LCT: variants seen among roughly 807,000 people sequenced by gnomAD.
LCT encodes the protein lactase/phlorizin hydrolase.
Under a neutral mutation model 173.0 loss-of-function variants are expected in LCT, and 90 were observed. The ratio of observed to expected loss-of-function variants is 0.52; its 90% confidence interval spans 0.44 to 0.62. The LOEUF (loss-of-function observed/expected upper bound fraction) is 0.62, where lower values mean the gene tolerates loss of function less well. Ranked by LOEUF, LCT falls within the 20% of genes least tolerant of loss-of-function variation. LCT has a pLI of 0.00. For synonymous variants in LCT, 853 were observed against 957.6 expected, an observed-to-expected ratio of 0.89 and a Z score of 2.02; for missense variants, 1,864 against 2,431.4, an observed-to-expected ratio of 0.77 and a Z score of 4.91.
At chr2:135,825,140 T>C (rs1041869231) in intron 3 of LCT, among the ~76,000 whole-genome samples, 5 of 152,226 alleles carry the variant, frequency 3.3e-5, no homozygotes, top group Admixed American at 2.0e-4. Flanking sequence ...TCACTTTAAA[T>C]TACCTTTTTT....
At chr2:135,793,742 G>GA (rs1341712743) in intron 14 of LCT, among the ~76,000 whole-genome samples, 3 of 152,114 alleles carry the variant, frequency 2.0e-5, no homozygotes, top group African/African-American at 7.2e-5. Flanking sequence ...GGATATGGAT[G>GA]AAAAAGTCTC....
At position 135,788,181 on chromosome 2, in the gene LCT, GA is replaced by G; in HGVS notation, c.*142del. 1.4e-6 allele frequency: 1 copy of G among 716,188 alleles called. No individual in the cohort carries two copies. Among genetic ancestry groups the G allele is most frequent in the East Asian group, 2.5e-5 (1 of 40,658 alleles). The allele number at this position is 716,188 out of a possible 1,614,324, so 44.4% of individuals were successfully genotyped here. A position where few individuals can be genotyped will look rare whatever the true frequency, so the allele number is the denominator to read the frequency against. ...TACTCAGCAAGTCGAAATCATTCAA[GA>G]TTAAAGTCATCTCTAACGGTGCAGC... On this transcript the variant is annotated 3_prime_UTR_variant, in exon 17 of 17. Coordinates refer to ENST00000264162, the MANE Select transcript of LCT (RefSeq NM_002299.4).
Position 135,808,460 on chromosome 2 carries a change from A to C in LCT, c.3887T>G (p.Ile1296Ser). 6.2e-7 allele frequency: 1 copy of C among 1,613,776 alleles called. No individual in the cohort carries two copies. The highest frequency in any genetic ancestry group is 8.5e-7 in the Non-Finnish European group (1 of 1,179,656). The change falls in exon 8 of 17, where the codon ATC becomes AGC. Residue 1296 changes from isoleucine (I) to serine (S), a missense_variant. By Grantham distance (142) the Ile-to-Ser change is moderately radical. Coordinates refer to ENST00000264162, the MANE Select transcript of LCT (RefSeq NM_002299.4). ...TCACACACCTTTCAAAGCCTCATTG[A>C]TGTAGGTTTTGTGGTAAAATATCCT... ...TDRIFYHKTY[I>S]NEALKAYRLD...
chr2:135,832,075 G>A (rs2077945732), intron 2 of LCT, among the ~76,000 whole-genome samples: 1 of 152,050 alleles, frequency 6.6e-6, no homozygotes, highest in Admixed American at 6.6e-5. Flanking sequence ...AATTAGCCGG[G>A]CGTGGTGGTG....
At position 135,804,015 on chromosome 2, in the gene LCT, C is replaced by T. The variant is rs1476743932; in HGVS notation, c.4578G>A (p.Leu1526=). 1 of 1,613,264 alleles carries T rather than the reference C, an allele frequency of 6.2e-7. No homozygotes were observed. The highest frequency in any genetic ancestry group is 8.5e-7 in the Non-Finnish European group (1 of 1,179,300). Residue 1526 remains leucine, a synonymous_variant, in exon 11 of 17, where the codon CTG becomes CTA. Transcript: ENST00000264162. ...KEYADVLFQR[L]GDKVKFWITL... is the part of the protein sequence containing the mutation. The stretch of plus-strand genomic sequence containing the variant: ...TGATCCAAAACTTCACCTTGTCTCC[C>T]AGCCTCTGGAAGAGCACATCTGCAT...
Position 135,808,914 on chromosome 2 carries a change from G to T in LCT, c.3433C>A (p.Arg1145=), listed in dbSNP as rs765765945. 3 of 1,614,098 alleles carry T rather than the reference G, an allele frequency of 1.9e-6. No individual in the cohort carries two copies. In the South Asian group the frequency reaches 3.3e-5, roughly 18 times the overall value. ...CAGCCCAGGGAGAACTGCAGCATTC[G>T]GTCAGCGGCTTCCACATCTCTGGGG... ...GVPRDVEAAD[R]MLQFSLGWFA... Residue 1145 remains arginine, a synonymous_variant, in exon 8 of 17, where the codon CGA becomes AGA. Coordinates refer to ENST00000264162, the MANE Select transcript of LCT (RefSeq NM_002299.4).
chr2:135,803,823 C>T, intron 11 of LCT, 107 bp downstream of exon 11: 1 of 998,456 alleles, frequency 1.0e-6, no homozygotes, highest in East Asian at 2.6e-5. Flanking sequence ...AGGGTTTCTG[C>T]CATGGGGCTT....
At chr2:135,834,808 A>AAAAAAG (rs1222170749) in intron 1 of LCT, among the ~76,000 whole-genome samples, 134 of 138,288 alleles carry the variant, frequency 9.7e-4, no homozygotes, top group South Asian at 7.8e-3. Context: ...AAAAAAAAAA[A>AAAAAAG]AAGAAGAAGA....
intron 13 of LCT, among the ~76,000 whole-genome samples, chr2:135,797,460 G>A (rs1339645279): frequency 1.3e-5 from 2 of 152,186 alleles, no homozygotes; most frequent in African/African-American, 4.8e-5. Context: ...CGCCCTGGGG[G>A]CCGACAGCTT....
intron 13 of LCT, among the ~76,000 whole-genome samples, chr2:135,795,017 ACACACACACGCACCCACGCGCGCGCG>A (rs995174670): frequency 7.6e-6 from 1 of 131,004 alleles, no homozygotes; most frequent in South Asian, 2.6e-4. Flanking sequence ...CTGAAGGACC[ACACACACACGCACCCACGCGCGCGCG>A]CGCACACACA....
At chr2:135,818,781 G>A (rs922860377) in intron 5 of LCT, among the ~76,000 whole-genome samples, 3 of 152,196 alleles carry the variant, frequency 2.0e-5, no homozygotes, top group African/African-American at 7.2e-5. Flanking sequence ...AGGTTGTGGT[G>A]AGCTGAGATC....
chr2:135,792,310 C>T (rs2077539095), intron 14 of LCT, among the ~76,000 whole-genome samples: 1 of 152,160 alleles, frequency 6.6e-6, no homozygotes, highest in Admixed American at 6.5e-5. Context: ...AGAAGGAAGC[C>T]AGTGGAATTA....
intron 2 of LCT, among the ~76,000 whole-genome samples, chr2:135,832,182 C>G (rs1188606146): frequency 1.3e-5 from 2 of 151,786 alleles, no homozygotes; most frequent in East Asian, 3.9e-4. Flanking sequence ...TGCCACTGCA[C>G]TCCAGCCTGG....
intron 11 of LCT, among the ~76,000 whole-genome samples, chr2:135,802,355 C>T (rs546819766): frequency 2.9e-4 from 44 of 152,334 alleles, no homozygotes; most frequent in Non-Finnish European, 4.6e-4. Context: ...CGCAATCTTA[C>T]TTTTGGGTAT....
intron 12 of LCT, among the ~76,000 whole-genome samples, chr2:135,800,190 G>A (rs1197810504): frequency 6.6e-6 from 1 of 152,142 alleles, no homozygotes; most frequent in Non-Finnish European, 1.5e-5. Flanking sequence ...ATTTTCCCAA[G>A]CTCACAAAAT....
At chr2:135,834,406 C>T (rs556200674) in intron 1 of LCT, among the ~76,000 whole-genome samples, 4 of 148,736 alleles carry the variant, frequency 2.7e-5, no homozygotes, top group Admixed American at 1.3e-4. Context: ...AGGATGGTCT[C>T]GATCTTCTGA....
At chr2:135,833,771 T>G (rs1410384915) in intron 1 of LCT, among the ~76,000 whole-genome samples, 2 of 151,972 alleles carry the variant, frequency 1.3e-5, no homozygotes, top group South Asian at 2.1e-4. Flanking sequence ...AAGTGCACAG[T>G]TCAGTATTAT....
chr2:135,822,273 T>C (rs757128633), intron 4 of LCT, 175 bp from the exon 5 acceptor site: 2 of 599,946 alleles, frequency 3.3e-6, no homozygotes, highest in Non-Finnish European at 6.0e-6. Context: ...TGAATTCTAC[T>C]TACTTATTAC....
intron 6 of LCT, among the ~76,000 whole-genome samples, chr2:135,815,041 C>G (rs1312545203): frequency 6.6e-6 from 1 of 151,974 alleles, no homozygotes; most frequent in Non-Finnish European, 1.5e-5. Context: ...TCCAACCACC[C>G]CTATATGAGG....
Sources: gnomAD v4.1 joint callset for allele counts (sites outside exome capture counted in the v4.1 genomes callset) on GRCh38, gnomAD v4.1.1 for gene constraint, MANE v1.5 for transcripts, NCBI Gene and HGNC (gene_info 2026-07-23, HGNC 2026-07-21) for gene names.